AUTS2: variants seen among roughly 807,000 people sequenced by gnomAD.
AUTS2 encodes the protein autism susceptibility gene 2 protein.
A neutral mutation model predicts 112.4 loss-of-function variants in AUTS2; 17 were observed. The ratio of observed to expected loss-of-function variants is 0.15; its 90% CI spans 0.10 to 0.23. AUTS2 has a LOEUF of 0.23. Ranked by LOEUF, AUTS2 falls within the 10% of genes least tolerant of loss-of-function variation. The pLI is 1.00. For synonymous variants in AUTS2, 751 were observed against 702.7 expected, an observed-to-expected ratio of 1.07 and a Z score of -1.09; for missense variants, 1,510 against 1,701.6, an observed-to-expected ratio of 0.89 and a Z score of 1.98.
intron 1 of AUTS2, among the ~76,000 whole-genome samples, chr7:69,795,569 A>T (rs1267655771): frequency 6.6e-6 from 1 of 152,200 alleles, no homozygotes; most frequent in East Asian, 1.9e-4. Context: ...GCAGAATTAG[A>T]GCAGTTAGGA....
intron 1 of AUTS2, among the ~76,000 whole-genome samples, chr7:69,868,971 C>G (rs1324739280): frequency 6.6e-6 from 1 of 152,158 alleles, no homozygotes; most frequent in Non-Finnish European, 1.5e-5. Flanking sequence ...TCAGTGCATA[C>G]CTATAATACA....
intron 6 of AUTS2, among the ~76,000 whole-genome samples, chr7:70,734,506 C>A (rs192672232): frequency 1.3e-5 from 2 of 152,024 alleles, no homozygotes; most frequent in East Asian, 1.9e-4. Flanking sequence ...TCCCCTCCCC[C>A]CTTTTTCTCT....
chr7:69,857,190 C>G (rs548740749), intron 1 of AUTS2, among the ~76,000 whole-genome samples: 49 of 152,280 alleles, frequency 3.2e-4, no homozygotes, highest in African/African-American at 1.1e-3. Flanking sequence ...CGTCTGCTCC[C>G]CCTAGCTAAG....
At chr7:70,671,290 G>A (rs1263206569) in intron 5 of AUTS2, among the ~76,000 whole-genome samples, 1 of 152,214 alleles carries the variant, frequency 6.6e-6, no homozygotes, top group Non-Finnish European at 1.5e-5. Context: ...GTATTCAGTG[G>A]GCAGCCACTC....
chr7:70,265,309 A>G (rs988703402), intron 4 of AUTS2, among the ~76,000 whole-genome samples: 2 of 152,204 alleles, frequency 1.3e-5, no homozygotes, highest in African/African-American at 4.8e-5. Context: ...TAAATCCTTT[A>G]TCTCCATGAG....
At chr7:69,829,165 G>A (rs10243408) in intron 1 of AUTS2, among the ~76,000 whole-genome samples, 15,138 of 152,144 alleles carry the variant, frequency 0.099, 1,200 homozygotes, top group African/African-American at 0.22. Context: ...TTAATAAATG[G>A]TGCTGGGAAA....
intron 4 of AUTS2, among the ~76,000 whole-genome samples, chr7:70,224,682 G>GCTCA (rs1362105813): frequency 2.6e-5 from 4 of 152,098 alleles, no homozygotes; most frequent in African/African-American, 4.8e-5. Flanking sequence ...TTCATGCACT[G>GCTCA]CTCACTCACT....
intron 6 of AUTS2, among the ~76,000 whole-genome samples, chr7:70,727,436 A>C (rs778364675): frequency 9.9e-5 from 15 of 151,794 alleles, no homozygotes; most frequent in Non-Finnish European, 1.6e-4. Context: ...TGCAACCTCT[A>C]CCTCCTGGGT....
chr7:70,052,702 A>G (rs1273870808), intron 2 of AUTS2, among the ~76,000 whole-genome samples: 3 of 152,208 alleles, frequency 2.0e-5, no homozygotes, highest in African/African-American at 7.2e-5. Flanking sequence ...TGAGAAGCTT[A>G]TACTATACCT....
At chr7:70,454,860 C>T (rs1796671665) in intron 5 of AUTS2, among the ~76,000 whole-genome samples, 1 of 152,178 alleles carries the variant, frequency 6.6e-6, no homozygotes, top group African/African-American at 2.4e-5. Flanking sequence ...TTCATACCTC[C>T]CAAGGCTGTG....
At chr7:69,798,501 A>T (rs1265211103) in intron 1 of AUTS2, among the ~76,000 whole-genome samples, 3 of 151,386 alleles carry the variant, frequency 2.0e-5, no homozygotes, top group Non-Finnish European at 2.9e-5. Flanking sequence ...GTGGCCCCTA[A>T]TTTTTTTTTG....
intron 1 of AUTS2, among the ~76,000 whole-genome samples, chr7:69,609,429 A>G (rs1047815679): frequency 2.6e-5 from 4 of 152,180 alleles, no homozygotes; most frequent in African/African-American, 9.7e-5. Context: ...AGGTACATTC[A>G]TCGTTTTTAA....
At chr7:69,644,043 C>T (rs2129123405) in intron 1 of AUTS2, among the ~76,000 whole-genome samples, 1 of 152,292 alleles carries the variant, frequency 6.6e-6, no homozygotes, top group East Asian at 1.9e-4. Context: ...CCACCAGAAC[C>T]CTATCATGCT....
At chr7:70,357,792 G>A (rs187789475) in intron 4 of AUTS2, among the ~76,000 whole-genome samples, 6 of 152,344 alleles carry the variant, frequency 3.9e-5, no homozygotes, top group African/African-American at 1.4e-4. Flanking sequence ...TTAAAATAGG[G>A]AAGAAAGCCA....
intron 5 of AUTS2, among the ~76,000 whole-genome samples, chr7:70,494,378 G>A (rs1377402808): frequency 6.6e-6 from 1 of 151,804 alleles, no homozygotes; most frequent in African/African-American, 2.4e-5. Context: ...GAAAAGCATT[G>A]TTGGCCTAAG....
intron 1 of AUTS2, among the ~76,000 whole-genome samples, chr7:69,725,522 A>G (rs1786468863): frequency 6.6e-6 from 1 of 152,184 alleles, no homozygotes; most frequent in Non-Finnish European, 1.5e-5. Flanking sequence ...ATGCAAAAAA[A>G]GGCAGGGTTG....
At chr7:70,561,191 A>T (rs1230791374) in intron 5 of AUTS2, among the ~76,000 whole-genome samples, 2 of 152,174 alleles carry the variant, frequency 1.3e-5, no homozygotes, top group Non-Finnish European at 2.9e-5. Flanking sequence ...CTCCAAACTC[A>T]TCAGTTGTCT....
At chr7:69,759,330 A>G (rs906117394) in intron 1 of AUTS2, among the ~76,000 whole-genome samples, 3 of 152,230 alleles carry the variant, frequency 2.0e-5, no homozygotes, top group Non-Finnish European at 4.4e-5. Flanking sequence ...GTCTAAACAC[A>G]AAATTCATTT....
intron 4 of AUTS2, among the ~76,000 whole-genome samples, chr7:70,419,617 T>G (rs1795131015): frequency 6.6e-6 from 1 of 152,188 alleles, no homozygotes; most frequent in Non-Finnish European, 1.5e-5. Flanking sequence ...TTTTGTTCCT[T>G]TTTGAGACTA....
Sources: allele counts gnomAD v4.1 joint callset (sites outside exome capture counted in the v4.1 genomes callset), GRCh38; gene constraint gnomAD v4.1.1; transcripts MANE v1.5; gene names NCBI Gene and HGNC (gene_info 2026-07-23, HGNC 2026-07-21).